The following PCCA variants were observed in gnomAD, a reference collection of about 807,000 sequenced individuals.
PCCA encodes the protein propionyl-CoA carboxylase subunit alpha.
Under a neutral mutation model 101.3 loss-of-function variants are expected in PCCA, and 74 were observed. The ratio of observed to expected loss-of-function variants is 0.73; its 90% CI spans 0.61 to 0.89. The LOEUF is 0.89. PCCA is among the 40% of genes least tolerant of loss of function. The probability of loss-of-function intolerance (pLI) is 0.00; values close to 1 mark genes in which losing one functional copy is unlikely to be tolerated. For missense variants in PCCA, 891 were observed against 907.0 expected (o/e 0.98, Z 0.23); for synonymous variants, 294 against 313.6 (o/e 0.94, Z 0.66).
intron 19 of PCCA, among the ~76,000 whole-genome samples, chr13:100,421,266 G>T (rs2078730018): frequency 6.6e-6 from 1 of 151,994 alleles, no homozygotes; most frequent in Non-Finnish European, 1.5e-5. Flanking sequence ...AAGTCCAAAT[G>T]GATTTGTGGG....
At chr13:100,330,292 C>G (rs918264919) in intron 16 of PCCA, among the ~76,000 whole-genome samples, 9 of 152,156 alleles carry the variant, frequency 5.9e-5, no homozygotes, top group Admixed American at 3.9e-4. Flanking sequence ...ATTTAAAATT[C>G]ACGGCCCAAA....
intron 16 of PCCA, among the ~76,000 whole-genome samples, chr13:100,324,183 G>A (rs576686400): frequency 2.0e-5 from 3 of 152,310 alleles, no homozygotes; most frequent in African/African-American, 7.2e-5. Flanking sequence ...TTCCCTGGAT[G>A]TAACATGCTT....
chr13:100,122,947 T>C (rs1227732337), intron 4 of PCCA, among the ~76,000 whole-genome samples: 2 of 152,188 alleles, frequency 1.3e-5, no homozygotes, highest in East Asian at 1.9e-4. Context: ...TGTTCTGAAA[T>C]AGCATTCCAG....
intron 6 of PCCA, among the ~76,000 whole-genome samples, chr13:100,186,899 G>T (rs1166890825): frequency 6.6e-6 from 1 of 152,160 alleles, no homozygotes; most frequent in Non-Finnish European, 1.5e-5. Context: ...TGTGCAGTGA[G>T]TTCAGGGATG....
chr13:100,194,571 C>G (rs1325913136), intron 6 of PCCA, among the ~76,000 whole-genome samples: 1 of 152,108 alleles, frequency 6.6e-6, no homozygotes. Context: ...GCGTGTGCCA[C>G]CACACCCAGC....
chr13:100,266,016 G>GT (rs1334123094), intron 10 of PCCA, among the ~76,000 whole-genome samples: 1 of 151,568 alleles, frequency 6.6e-6, no homozygotes, highest in African/African-American at 2.4e-5. Context: ...TAGATGTTGA[G>GT]TAGACAGTTG....
At chr13:100,229,452 C>G (rs2060339669) in intron 7 of PCCA, among the ~76,000 whole-genome samples, 2 of 152,232 alleles carry the variant, frequency 1.3e-5, no homozygotes, top group Admixed American at 1.3e-4. Flanking sequence ...AATCAATGTA[C>G]TTTATGTTCT....
At chr13:100,391,735 A>G (rs553716287) in intron 19 of PCCA, among the ~76,000 whole-genome samples, 18 of 152,348 alleles carry the variant, frequency 1.2e-4, no homozygotes, top group South Asian at 6.2e-4. Context: ...AGGGAATACT[A>G]TTGATCAACA....
chr13:100,312,150 A>C (rs16957280), intron 16 of PCCA, among the ~76,000 whole-genome samples: 3 of 152,132 alleles, frequency 2.0e-5, no homozygotes, highest in Non-Finnish European at 2.9e-5. Context: ...AAGTGATACT[A>C]TCCCTGATTT....
chr13:100,219,116 AATTATT>A (rs930779862), intron 7 of PCCA, among the ~76,000 whole-genome samples: 1 of 152,080 alleles, frequency 6.6e-6, no homozygotes. Context: ...TGTATGATGA[AATTATT>A]ATTATTATTT....
rs1459072254 is a variant in PCCA at position 100,089,351 on chromosome 13, G to C, written c.105+126G>C. 5 of 1,227,442 alleles carry C rather than the reference G, an allele frequency of 4.1e-6. No homozygotes were observed. The African/African-American group carries it at 6.4e-5, about 16-fold the overall frequency. The allele number at this position is 1,227,442 out of a possible 1,614,324, so 76.0% of individuals were successfully genotyped here. On this transcript the variant is annotated intron_variant, in intron 1 of 23. Coordinates refer to ENST00000376285, the MANE Select transcript of PCCA (RefSeq NM_000282.4). Reference sequence around the variant, plus strand: ...GCCCCCGCGCCCCGGTTCCGCATCAGCTACACCGCTTGCTTTCCTCCCTCC... The same window carrying C: ...GCCCCCGCGCCCCGGTTCCGCATCACCTACACCGCTTGCTTTCCTCCCTCC...
intron 18 of PCCA, among the ~76,000 whole-genome samples, chr13:100,351,057 C>T (rs1211799303): frequency 6.6e-6 from 1 of 152,114 alleles, no homozygotes; most frequent in Non-Finnish European, 1.5e-5. Context: ...TAAATGTTTG[C>T]ATTTTGTTTA....
At chr13:100,450,194 C>A (rs1490846839) in intron 21 of PCCA, among the ~76,000 whole-genome samples, 1 of 151,946 alleles carries the variant, frequency 6.6e-6, no homozygotes, top group Non-Finnish European at 1.5e-5. Context: ...ACCAGCCTGA[C>A]CAACATGGTG....
chr13:100,118,072 T>C (rs562759372), intron 4 of PCCA, among the ~76,000 whole-genome samples: 261 of 145,638 alleles, frequency 1.8e-3, no homozygotes, highest in African/African-American at 6.1e-3. Context: ...GCTGAGATCG[T>C]GCCACTGCAG....
chr13:100,169,814 C>T (rs1452542667), intron 6 of PCCA, among the ~76,000 whole-genome samples: 1 of 152,096 alleles, frequency 6.6e-6, no homozygotes, highest in Non-Finnish European at 1.5e-5. Context: ...ATTCTCCTGC[C>T]TCAGCCTCCT....
At chr13:100,346,876 A>G (rs1309073997) in intron 18 of PCCA, among the ~76,000 whole-genome samples, 1 of 151,980 alleles carries the variant, frequency 6.6e-6, no homozygotes, top group Non-Finnish European at 1.5e-5. Flanking sequence ...TTTTAGTAAT[A>G]AAGTTTTTTT....
intron 16 of PCCA, among the ~76,000 whole-genome samples, chr13:100,318,876 T>A (rs2067683125): frequency 6.6e-6 from 1 of 152,152 alleles, no homozygotes; most frequent in Non-Finnish European, 1.5e-5. Flanking sequence ...AGTCAAATGG[T>A]ATTTCTAGTT....
chr13:100,371,849 C>T (rs2075592970), intron 19 of PCCA, among the ~76,000 whole-genome samples: 1 of 152,158 alleles, frequency 6.6e-6, no homozygotes, highest in African/African-American at 2.4e-5. Context: ...GACCAATGGA[C>T]TAGGATAGAG....
At chr13:100,101,599 A>C (rs978286396) in intron 1 of PCCA, among the ~76,000 whole-genome samples, 2 of 152,064 alleles carry the variant, frequency 1.3e-5, no homozygotes, top group South Asian at 2.1e-4. Flanking sequence ...AAATTAATTA[A>C]ATAATTAATT....
Sources: allele counts gnomAD v4.1 joint callset (sites outside exome capture counted in the v4.1 genomes callset), GRCh38; gene constraint gnomAD v4.1.1; transcripts MANE v1.5; gene names NCBI Gene and HGNC (gene_info 2026-07-23, HGNC 2026-07-21).